Variants in PSAP observed in about 807,000 individuals in gnomAD.
PSAP encodes the protein precursor of saposins.
PSAP carries 25 observed loss-of-function variants against 66.0 expected under a neutral mutation model. That is an observed-to-expected ratio of 0.38 (90% CI 0.28 to 0.53). The LOEUF is 0.53. Among genes scored for constraint, PSAP ranks in the 20% least tolerant of loss-of-function variants. The pLI, the probability that PSAP is intolerant of heterozygous loss-of-function variation, is 0.83. For missense variants in PSAP, 649 were observed against 668.8 expected, an observed-to-expected ratio of 0.97 and a Z score of 0.33; for synonymous variants, 273 against 258.9, an observed-to-expected ratio of 1.05 and a Z score of -0.52.
chr10:71,851,203 G>C lies in PSAP; in HGVS notation c.19C>G (p.Leu7Val), dbSNP rs768373930. MYALFL[L>V]ASLLGAALAG... ...TTACCCGCGCCCAGGAGGCTGGCCA[G>C]GAGGAAGAGGGCGTACATAGCGCCG... Residue 7 changes from leucine (L) to valine (V), a missense_variant, in exon 1 of 14, where the codon CTG (leucine) becomes GTG (valine). Physicochemically the swap from Leu to Val is conservative, Grantham distance 32. Coordinates refer to ENST00000394936, the MANE Select transcript of PSAP (RefSeq NM_002778.4). 1 of 1,551,160 alleles carries C rather than the reference G, an allele frequency of 6.4e-7. No individual in the cohort carries two copies. The highest frequency in any genetic ancestry group is 1.2e-5 in the South Asian group (1 of 84,064).
rs751839091 is a variant in PSAP, at chr10:71,819,531, G to A, written c.1284C>T (p.Thr428=). ...CAAGAGCAGCCAGGATCTCCTGCTT[G>A]GTGCTGTTTTTCTCCAGGTTGCGAT... ...YLDRNLEKNS[T]KQEILAALEK... is the part of the protein sequence containing the mutation. The change falls in exon 11 of 14, where the codon ACC becomes ACT. Residue 428 remains threonine, a synonymous_variant. Coordinates refer to ENST00000394936, the MANE Select transcript of PSAP (RefSeq NM_002778.4). 12 of 1,614,200 alleles carry A rather than the reference G, an allele frequency of 7.4e-6. No homozygotes were observed. The highest frequency in any genetic ancestry group is 1.6e-4 in the Middle Eastern group (1 of 6,062).
At chr10:71,825,134 T>A (rs1028513596) in intron 7 of PSAP, among the ~76,000 whole-genome samples, 11 of 152,192 alleles carry the variant, frequency 7.2e-5, no homozygotes, top group African/African-American at 2.7e-4. Flanking sequence ...ATGGGCCAGT[T>A]TGCTGACCCC....
intron 1 of PSAP, among the ~76,000 whole-genome samples, chr10:71,836,502 A>C (rs897053338): frequency 6.6e-6 from 1 of 152,156 alleles, no homozygotes; most frequent in African/African-American, 2.4e-5. Flanking sequence ...AAAAGGACCC[A>C]TGATGACACC....
chr10:71,818,771 C>A (rs749416727), intron 12 of PSAP, 47 bp from the exon 13 acceptor site: 1 of 1,465,550 alleles, frequency 6.8e-7, no homozygotes, highest in Admixed American at 1.7e-5. Context: ...ATGAGAGCTG[C>A]CCGATGTATC....
intron 11 of PSAP, 53 bp from the exon 12 acceptor site, chr10:71,819,164 T>G (rs989280877): frequency 1.3e-6 from 2 of 1,513,854 alleles, no homozygotes; most frequent in Non-Finnish European, 1.8e-6. Context: ...CCGAGCATAG[T>G]GGGGCACAAA....
At chr10:71,841,028 C>T (rs1589457895) in intron 1 of PSAP, among the ~76,000 whole-genome samples, 1 of 152,336 alleles carries the variant, frequency 6.6e-6, no homozygotes, top group Non-Finnish European at 1.5e-5. Flanking sequence ...ACTTAGATCA[C>T]CTTAGATAAG....
chr10:71,822,414 G>GA (rs1184409259), intron 7 of PSAP, among the ~76,000 whole-genome samples: 2 of 152,166 alleles, frequency 1.3e-5, no homozygotes, highest in Non-Finnish European at 2.9e-5. Flanking sequence ...TAAACTAACA[G>GA]AAAGCCAAAT....
chr10:71,835,242 A>G (rs1842598160), intron 1 of PSAP, among the ~76,000 whole-genome samples: 1 of 151,234 alleles, frequency 6.6e-6, no homozygotes, highest in African/African-American at 2.4e-5. Flanking sequence ...AAATAAATAA[A>G]TAAATAAAAT....
At chr10:71,844,473 C>G (rs113843400) in intron 1 of PSAP, among the ~76,000 whole-genome samples, 17 of 152,158 alleles carry the variant, frequency 1.1e-4, no homozygotes, top group Admixed American at 6.5e-5. Context: ...TGAGACCAGC[C>G]TGGCCAACAT....
intron 11 of PSAP, 57 bp from the exon 12 acceptor site, chr10:71,819,168 G>T: frequency 2.1e-6 from 3 of 1,460,942 alleles, no homozygotes; most frequent in Non-Finnish European, 2.9e-6. Context: ...GCATAGTGGG[G>T]CACAAAAGGC....
chr10:71,823,809 C>T (rs1842348856), intron 7 of PSAP: 1 of 1,028,954 alleles, frequency 9.7e-7, no homozygotes, highest in Non-Finnish European at 1.3e-6. Context: ...GCTAATCATG[C>T]CATACCCAAA....
intron 11 of PSAP, 65 bp from the exon 12 acceptor site, chr10:71,819,176 G>A (rs1589446071): frequency 4.3e-6 from 6 of 1,391,628 alleles, no homozygotes; most frequent in East Asian, 2.3e-5. Flanking sequence ...GGGCACAAAA[G>A]GCCAGGCAGG....
chr10:71,831,753 C>G lies in PSAP; in HGVS notation c.249+93G>C, dbSNP rs936883410. ...GACATTTGCCACCCTCAGGCCTACA[C>G]CATTCCTCTTTAGACACCCGGAATC... On this transcript the variant is annotated intron_variant, in intron 3 of 13. Transcript: ENST00000394936. 5.0e-5 allele frequency: 65 copies of G among 1,300,092 alleles called. 1 individual carries two copies. The highest frequency in any genetic ancestry group is 6.6e-5 in the Non-Finnish European group (59 of 898,290). 80.5% of individuals were successfully genotyped at this position (1,300,092 alleles called of 1,614,324 possible). A position where few individuals can be genotyped will look rare whatever the true frequency, so the allele number is the denominator to read the frequency against.
chr10:71,834,575 C>G, intron 1 of PSAP, 70 bp from the exon 2 acceptor site: 1 of 1,583,014 alleles, frequency 6.3e-7, no homozygotes, highest in African/African-American at 1.3e-5. Context: ...CTTATTTCCC[C>G]AGGGCTGAGG....
chr10:71,819,625 A>T lies in PSAP; in HGVS notation c.1193-3T>A. 2 of 1,614,160 alleles carry T rather than the reference A, an allele frequency of 1.2e-6. No individual in the cohort carries two copies. The highest frequency in any genetic ancestry group is 2.2e-5 in the South Asian group (2 of 91,088). ...GTCCTTTGGCTGAGTCACGTGAACT[A>T]CATAAGAGGGCAGCGGGCTCAACGC... On this transcript the variant is annotated splice_polypyrimidine_tract_variant and splice_region_variant and intron_variant, in intron 10 of 13. Coordinates refer to ENST00000394936, the MANE Select transcript of PSAP (RefSeq NM_002778.4).
chr10:71,827,876 A>G (rs1842425071), intron 6 of PSAP, 138 bp downstream of exon 6: 2 of 1,200,716 alleles, frequency 1.7e-6, no homozygotes, highest in African/African-American at 1.5e-5. Flanking sequence ...TAACCAAAAT[A>G]GATTCAAGTC....
In PSAP at chr10:71,837,057, C is replaced by T. The variant is rs150119996; in HGVS notation, c.41-2552G>A. On this transcript the variant is annotated intron_variant, in intron 1 of 13. Transcript: ENST00000394936. The stretch of plus-strand genomic sequence containing the variant: ...CCTCAGATCTGGAGGCAAAAAGATA[C>T]GCATGGTGGAGAATTCGGTACGCCT... Among the ~76,000 whole-genome samples the T allele has an allele frequency of 9.8e-4, 150 of 152,292 alleles. 1 individual carries two copies. The highest frequency in any genetic ancestry group is 3.4e-3 in the Middle Eastern group (1 of 294).
chr10:71,819,872 A>G lies in PSAP; in HGVS notation c.1034T>C (p.Met345Thr), dbSNP rs770114869. Residue 345 changes from methionine to threonine, a missense_variant, in exon 10 of 14, where the codon ATG becomes ACG. Coordinates refer to ENST00000394936, the MANE Select transcript of PSAP (RefSeq NM_002778.4). The part of the protein sequence containing the change: ...EKEILDAFDK[M>T]CSKLPKSLSE... ...CAGGGACTTCGGCAGCTTCGAGCAC[A>G]TTTTGTCAAAAGCGTCGAGTATTTC... 1.9e-6 allele frequency: 3 copies of G among 1,613,996 alleles called. No individual in the cohort carries two copies. The highest frequency in any genetic ancestry group is 1.7e-5 in the Admixed American group (1 of 59,996).
chr10:71,843,225 T>C (rs1842759972), intron 1 of PSAP, among the ~76,000 whole-genome samples: 1 of 150,824 alleles, frequency 6.6e-6, no homozygotes, highest in Non-Finnish European at 1.5e-5. Flanking sequence ...TCCAGAGAGG[T>C]GGAATTCAAA....
Sources: allele counts gnomAD v4.1 joint callset (sites outside exome capture counted in the v4.1 genomes callset), GRCh38; gene constraint gnomAD v4.1.1; transcripts MANE v1.5; gene names NCBI Gene and HGNC (gene_info 2026-07-23, HGNC 2026-07-21).